Variants in RNF180 observed in about 807,000 individuals in gnomAD.
RNF180 encodes E3 ubiquitin-protein ligase RNF180.
RNF180 carries 38 observed loss-of-function variants against 59.2 expected under a neutral mutation model. That is an observed-to-expected ratio of 0.64 (90% confidence interval 0.50 to 0.84). RNF180 has a LOEUF of 0.84. Ranked by LOEUF, RNF180 falls within the 40% of genes least tolerant of loss-of-function variation. The probability of loss-of-function intolerance (pLI) is 0.00; values close to 1 mark genes in which losing one functional copy is unlikely to be tolerated. For missense variants in RNF180, 705 were observed against 700.9 expected (o/e 1.01, Z -0.07); for synonymous variants, 262 against 240.3 (o/e 1.09, Z -0.84).
chr5:64,346,368 T>TTTTTTTTTTTTTTTTTTTTTTTTTG (rs1745558323), intron 7 of RNF180, among the ~76,000 whole-genome samples: 1 of 136,170 alleles, frequency 7.3e-6, no homozygotes, highest in Non-Finnish European at 1.6e-5. Context: ...TCTTTTTTTT[T>TTTTTTTTTTTTTTTTTTTTTTTTTG]TTTTTTTTTT....
chr5:64,189,815 A>C (rs1363957693), intron 1 of RNF180, among the ~76,000 whole-genome samples: 1 of 152,224 alleles, frequency 6.6e-6, no homozygotes. Context: ...GGATTATAGC[A>C]GCAGAGATAC....
intron 5 of RNF180, among the ~76,000 whole-genome samples, chr5:64,278,444 A>G (rs887449746): frequency 2.0e-5 from 3 of 152,210 alleles, no homozygotes; most frequent in African/African-American, 7.2e-5. Context: ...AAGTTGTACA[A>G]ATTGTGAGAC....
chr5:64,267,850 AG>A (rs1744778304), intron 5 of RNF180, among the ~76,000 whole-genome samples: 1 of 152,176 alleles, frequency 6.6e-6, no homozygotes, highest in African/African-American at 2.4e-5. Flanking sequence ...GGATATCTGC[AG>A]TCACTGGAAG....
intron 5 of RNF180, among the ~76,000 whole-genome samples, chr5:64,314,050 C>T (rs985879873): frequency 4.6e-5 from 7 of 151,978 alleles, no homozygotes; most frequent in African/African-American, 1.7e-4. Context: ...CATATTAAAC[C>T]TTTGCTGGAT....
intron 5 of RNF180, among the ~76,000 whole-genome samples, chr5:64,309,846 T>A (rs887011335): frequency 1.8e-4 from 28 of 151,716 alleles, no homozygotes; most frequent in Non-Finnish European, 3.2e-4. Flanking sequence ...CTTAGCAGTG[T>A]CAGGTTGACT....
At chr5:64,274,594 A>G (rs866497897) in intron 5 of RNF180, among the ~76,000 whole-genome samples, 22 of 152,092 alleles carry the variant, frequency 1.4e-4, no homozygotes, top group Middle Eastern at 3.4e-3. Context: ...CCAGTAAAAG[A>G]CTTGTTTTAA....
intron 5 of RNF180, among the ~76,000 whole-genome samples, chr5:64,285,878 G>A (rs1241358743): frequency 2.6e-5 from 4 of 152,138 alleles, no homozygotes; most frequent in African/African-American, 9.7e-5. Context: ...GCTCCTCACA[G>A]GCTGGAGTCC....
Position 64,213,681 on chromosome 5 carries a change from C to A in RNF180, c.355C>A (p.Arg119=). The A allele has an allele frequency of 6.2e-7, 1 of 1,614,094 alleles. No homozygotes were observed. Among genetic ancestry groups the A allele is most frequent in the South Asian group, 1.1e-5 (1 of 91,078 alleles). Residue 119 remains arginine, a synonymous_variant, in exon 4 of 8, where the codon CGG becomes AGG. Coordinates refer to ENST00000389100, the MANE Select transcript of RNF180 (RefSeq NM_001113561.2). The stretch of plus-strand genomic sequence containing the variant: ...TGCAGCTGTACATCTCTCCAAGAGC[C>A]GGACTGATTATCAGCCAACACAGGC... ...QLAAVHLSKS[R]TDYQPTQAGR...
At chr5:64,302,436 A>G (rs1019533967) in intron 5 of RNF180, among the ~76,000 whole-genome samples, 1 of 151,456 alleles carries the variant, frequency 6.6e-6, no homozygotes, top group Admixed American at 6.6e-5. Flanking sequence ...CTTTTCCAGT[A>G]TCTTCCTTGG....
intron 5 of RNF180, among the ~76,000 whole-genome samples, chr5:64,246,638 A>C (rs1456531858): frequency 1.3e-5 from 2 of 152,200 alleles, no homozygotes; most frequent in African/African-American, 4.8e-5. Flanking sequence ...CAACCAAAAA[A>C]AGCCCAGGAC....
intron 5 of RNF180, among the ~76,000 whole-genome samples, chr5:64,222,838 C>G (rs1045602885): frequency 6.6e-6 from 1 of 152,064 alleles, no homozygotes; most frequent in South Asian, 2.1e-4. Context: ...ACATGAGTTT[C>G]GGGGAGGAAG....
chr5:64,369,759 G>T lies in RNF180; in HGVS notation c.1724G>T (p.Trp575Leu). The change falls in exon 8 of 8, where the codon TGG becomes TTG. Residue 575 changes from tryptophan to leucine, a missense_variant. Physicochemically the swap from Trp to Leu is moderately conservative, Grantham distance 61. Coordinates refer to ENST00000389100, the MANE Select transcript of RNF180 (RefSeq NM_001113561.2). The part of the protein sequence containing the change: ...MVIIYIYSVN[W>L]VIGFIVFCFL... ...ATCATATATATTTATTCAGTGAACT[G>T]GGTCATTGGATTCATTGTTTTCTGC... is the stretch of plus-strand genomic sequence containing the variant. 6.5e-7 allele frequency: 1 copy of T among 1,532,942 alleles called. No individual in the cohort carries two copies. The highest frequency in any genetic ancestry group is 8.8e-7 in the Non-Finnish European group (1 of 1,140,662). The allele number at this position is 1,532,942 out of a possible 1,614,324, so 95.0% of individuals were successfully genotyped here. A position where few individuals can be genotyped will look rare whatever the true frequency, so the allele number is the denominator to read the frequency against.
chr5:64,184,489 C>CT (rs1253017831), intron 1 of RNF180, among the ~76,000 whole-genome samples: 3 of 152,074 alleles, frequency 2.0e-5, no homozygotes, highest in Non-Finnish European at 4.4e-5. Flanking sequence ...CACTGTGCTT[C>CT]TATACTGAAG....
intron 5 of RNF180, among the ~76,000 whole-genome samples, chr5:64,320,209 G>T (rs1259255180): frequency 6.6e-6 from 1 of 152,138 alleles, no homozygotes; most frequent in Non-Finnish European, 1.5e-5. Context: ...TAAATTGTTG[G>T]CCTAGTCTTG....
At chr5:64,256,682 T>C (rs921719811) in intron 5 of RNF180, among the ~76,000 whole-genome samples, 10 of 152,126 alleles carry the variant, frequency 6.6e-5, no homozygotes, top group South Asian at 6.2e-4. Flanking sequence ...CTTGGCAATG[T>C]GGGCTCTTTT....
intron 7 of RNF180, among the ~76,000 whole-genome samples, chr5:64,356,717 T>C (rs1746042705): frequency 6.6e-6 from 1 of 151,844 alleles, no homozygotes; most frequent in Non-Finnish European, 1.5e-5. Flanking sequence ...GGATGAACCT[T>C]GAAGACATTA....
At chr5:64,228,325 G>A (rs1302537038) in intron 5 of RNF180, among the ~76,000 whole-genome samples, 2 of 152,050 alleles carry the variant, frequency 1.3e-5, no homozygotes, top group African/African-American at 4.8e-5. Context: ...GCCAGCTGGA[G>A]CAACATAGTG....
At chr5:64,211,917 T>C in intron 2 of RNF180, 148 bp from the exon 3 acceptor site, 1 of 490,114 alleles carries the variant, frequency 2.0e-6, no homozygotes, top group South Asian at 4.4e-5. Context: ...GGCTTGTTTT[T>C]TTATTATGGG....
At position 64,168,758 on chromosome 5, in the gene RNF180, C is replaced by T. The variant is rs541659267; in HGVS notation, c.-1+2805C>T. On this transcript the variant is annotated intron_variant, in intron 1 of 7. Transcript: ENST00000389100. Reference sequence around the variant, plus strand: ...GCCTCAAAATATAAAATTGCTATTTCCAAAAAAAAAGTTATTAACAAGTTG... The same window carrying T: ...GCCTCAAAATATAAAATTGCTATTTTCAAAAAAAAAGTTATTAACAAGTTG... Among the ~76,000 whole-genome samples the T allele has an allele frequency of 3.3e-5, 5 of 151,894 alleles. No individual in the cohort carries two copies. In the South Asian group the frequency reaches 8.3e-4, roughly 25 times the overall value.
Sources: allele counts gnomAD v4.1 joint callset (sites outside exome capture counted in the v4.1 genomes callset), GRCh38; gene constraint gnomAD v4.1.1; transcripts MANE v1.5; gene names NCBI Gene and HGNC (gene_info 2026-07-23, HGNC 2026-07-21).